Variants in ZNF675 observed in about 807,000 individuals in gnomAD.
ZNF675 encodes TRAF6 inhibitory zinc finger.
ZNF675 carries 36 observed loss-of-function variants against 56.1 expected under a neutral mutation model. The observed-to-expected ratio is 0.64, with a 90% CI of 0.49 to 0.85. The LOEUF is 0.85. ZNF675 is among the 40% of genes least tolerant of loss of function. The pLI, the probability that ZNF675 is intolerant of heterozygous loss-of-function variation, is 0.00. For synonymous variants in ZNF675, 200 were observed against 218.9 expected, an observed-to-expected ratio of 0.91 and a Z score of 0.76; for missense variants, 663 against 654.2, an observed-to-expected ratio of 1.01 and a Z score of -0.15.
chr19:23,653,981 C>G lies in ZNF675; in HGVS notation c.952G>C (p.Gly318Arg), dbSNP rs1489542043. ...GTTGAGGATTGGGTAAAAGCCTTGC[C>G]ACATTCTTCACATATGTAGGGTTGC... is the stretch of plus-strand genomic sequence containing the variant. ...GEQPYICEECGKAFTQSSTLT... is the reference protein window; with the variant it reads ...GEQPYICEECRKAFTQSSTLT... The change falls in exon 4 of 4, where the codon GGC becomes CGC. Residue 318 changes from glycine to arginine, a missense_variant. Coordinates refer to ENST00000359788, the MANE Select transcript of ZNF675 (RefSeq NM_138330.3). 2 of 1,613,710 alleles carry G rather than the reference C, an allele frequency of 1.2e-6. No individual in the cohort carries two copies. The highest frequency in any genetic ancestry group is 2.7e-5 in the African/African-American group (2 of 74,888).
chr19:23,687,183 C>A lies in ZNF675; in HGVS notation c.-150G>T, dbSNP rs1968455790. The A allele has an allele frequency of 1.1e-6, 1 of 951,274 alleles. No individual in the cohort carries two copies. The highest frequency in any genetic ancestry group is 2.2e-5 in the Admixed American group (1 of 45,352). 58.9% of individuals were successfully genotyped at this position (951,274 alleles called of 1,614,324 possible). A position where few individuals can be genotyped will look rare whatever the true frequency, so the allele number is the denominator to read the frequency against. ...CTCCGGCTGCAGCGAGAGACAAAGG[C>A]GCCGCCAAATCCCGGAAGCCATCTT... On this transcript the variant is annotated 5_prime_UTR_variant, in exon 1 of 4. Transcript: ENST00000359788.
intron 1 of ZNF675, among the ~76,000 whole-genome samples, chr19:23,683,291 T>G (rs1802045488): frequency 6.6e-6 from 1 of 151,564 alleles, no homozygotes; most frequent in Non-Finnish European, 1.5e-5. Flanking sequence ...AATTCAGAAA[T>G]CAAGATCATA....
At chr19:23,677,315 A>G (rs1042983099) in intron 1 of ZNF675, among the ~76,000 whole-genome samples, 5 of 151,890 alleles carry the variant, frequency 3.3e-5, no homozygotes, top group African/African-American at 1.2e-4. Flanking sequence ...CTGTAAGCTG[A>G]CAAACAACTT....
At chr19:23,673,610 T>G (rs1466217884) in intron 1 of ZNF675, among the ~76,000 whole-genome samples, 1 of 152,186 alleles carries the variant, frequency 6.6e-6, no homozygotes, top group African/African-American at 2.4e-5. Context: ...GCACCTTATA[T>G]GTTTCTATCA....
At chr19:23,658,969 A>ATCTATAGATAGAGATC (rs1568289318) in intron 3 of ZNF675, among the ~76,000 whole-genome samples, 3 of 145,654 alleles carry the variant, frequency 2.1e-5, no homozygotes, top group African/African-American at 7.6e-5. Flanking sequence ...CTATAGATAG[A>ATCTATAGATAGAGATC]TATAGATCTA....
At chr19:23,661,566 T>C (rs753037115) in intron 3 of ZNF675, among the ~76,000 whole-genome samples, 2 of 151,906 alleles carry the variant, frequency 1.3e-5, no homozygotes, top group Non-Finnish European at 2.9e-5. Flanking sequence ...GGCACGTGCT[T>C]GTAATCCCAG....
At chr19:23,672,242 A>G (rs1968236844) in intron 1 of ZNF675, among the ~76,000 whole-genome samples, 1 of 7,834 alleles carries the variant, frequency 1.3e-4, no homozygotes, top group Admixed American at 3.6e-3. Context: ...TTAAAAAAAA[A>G]AAAAAAAAAG....
At chr19:23,668,340 A>G (rs1304656846) in intron 1 of ZNF675, among the ~76,000 whole-genome samples, 1 of 150,370 alleles carries the variant, frequency 6.7e-6, no homozygotes, top group African/African-American at 2.4e-5. Context: ...AGCTAGATAC[A>G]GAGTGTCGAT....
At chr19:23,661,196 C>T (rs7250271) in intron 3 of ZNF675, among the ~76,000 whole-genome samples, 147,216 of 151,544 alleles carry the variant, frequency 0.97, 71,669 homozygotes, top group Middle Eastern at 1. Context: ...TGAATGCACA[C>T]ATCACAAAGC....
At chr19:23,665,121 G>A (rs931368842) in intron 1 of ZNF675, among the ~76,000 whole-genome samples, 2 of 151,876 alleles carry the variant, frequency 1.3e-5, no homozygotes, top group Admixed American at 6.6e-5. Context: ...AAGACGGGGG[G>A]ATCACTTGAG....
chr19:23,671,798 C>T (rs1347831540), intron 1 of ZNF675, among the ~76,000 whole-genome samples: 1 of 151,868 alleles, frequency 6.6e-6, no homozygotes, highest in Non-Finnish European at 1.5e-5. Flanking sequence ...GAAATGGAAG[C>T]AATTAGTTTA....
At chr19:23,669,560 GGATA>G (rs1335037065) in intron 1 of ZNF675, among the ~76,000 whole-genome samples, 1 of 152,038 alleles carries the variant, frequency 6.6e-6, no homozygotes, top group African/African-American at 2.4e-5. Flanking sequence ...GCTTTAAATG[GGATA>G]GATAAACCTT....
intron 1 of ZNF675, 49 bp downstream of exon 1, chr19:23,686,982 T>C (rs767821750): frequency 1.9e-6 from 3 of 1,612,486 alleles, no homozygotes; most frequent in Non-Finnish European, 2.5e-6. Flanking sequence ...TCCCACGGGT[T>C]CCAACCAGCC....
At chr19:23,680,901 T>A (rs12609949) in intron 1 of ZNF675, among the ~76,000 whole-genome samples, 147,406 of 151,878 alleles carry the variant, frequency 0.97, 71,842 homozygotes, top group Middle Eastern at 1. Context: ...TTTGGTGCCA[T>A]GCTTAGTACC....
intron 1 of ZNF675, among the ~76,000 whole-genome samples, chr19:23,681,673 T>C (rs996209495): frequency 5.9e-5 from 9 of 151,788 alleles, no homozygotes; most frequent in Admixed American, 5.2e-4. Context: ...TCCACAACAC[T>C]GTCTTTACTG....
In ZNF675 at chr19:23,687,073, T is replaced by A. The variant is rs769735116; in HGVS notation, c.-40A>T. 3 of 1,612,582 alleles carry A rather than the reference T, an allele frequency of 1.9e-6. No homozygotes were observed. The highest frequency in any genetic ancestry group is 2.5e-6 in the Non-Finnish European group (3 of 1,179,184). On this transcript the variant is annotated 5_prime_UTR_variant, in exon 1 of 4. Transcript: ENST00000359788. ...GGGGTCCTGGAGTCTTAGCTGTGGA[T>A]CTCTCAATTTCTGCAGGTCACAGGC... is the stretch of plus-strand genomic sequence containing the variant.
At position 23,678,500 on chromosome 19, in the gene ZNF675, C is replaced by G. The variant is rs533571683; in HGVS notation, c.3+8531G>C. Among the ~76,000 whole-genome samples the G allele has an allele frequency of 2.9e-4, 43 of 148,296 alleles. 1 individual carries two copies. The highest frequency in any genetic ancestry group is 1.1e-3 in the African/African-American group (43 of 38,388). On this transcript the variant is annotated intron_variant, in intron 1 of 3. Transcript: ENST00000359788. ...CCCTGACCTCGAGTGCTCCACCCAC[C>G]TCGGCCTCCCAAAGTGCTGGGATTA...
At chr19:23,662,360 A>C in intron 2 of ZNF675, 151 bp from the exon 3 acceptor site, 1 of 540,378 alleles carries the variant, frequency 1.9e-6, no homozygotes. Flanking sequence ...AATACTTAGA[A>C]AATATTCTAA....
intron 3 of ZNF675, among the ~76,000 whole-genome samples, chr19:23,661,362 T>C (rs1006427060): frequency 6.9e-6 from 1 of 144,852 alleles, no homozygotes; most frequent in African/African-American, 2.6e-5. Flanking sequence ...TAGAAGACTA[T>C]AGAAATACAA....
Sources: allele counts gnomAD v4.1 joint callset (sites outside exome capture counted in the v4.1 genomes callset), GRCh38; gene constraint gnomAD v4.1.1; transcripts MANE v1.5; gene names NCBI Gene and HGNC (gene_info 2026-07-23, HGNC 2026-07-21).